IPO8: variants seen among roughly 807,000 people sequenced by gnomAD.
IPO8 encodes the protein importin-8.
IPO8 carries 65 observed loss-of-function variants against 141.2 expected under a neutral mutation model. That is an observed-to-expected ratio of 0.46 (90% confidence interval 0.38 to 0.57). The LOEUF is 0.57. Among genes scored for constraint, IPO8 ranks in the 20% least tolerant of loss-of-function variants. The pLI is 0.00. For synonymous variants in IPO8, 411 were observed against 420.3 expected, an observed-to-expected ratio of 0.98 and a Z score of 0.27; for missense variants, 980 against 1,246.8, an observed-to-expected ratio of 0.79 and a Z score of 3.22.
chr12:30,681,526 G>T, intron 4 of IPO8, 133 bp downstream of exon 4: 2 of 738,764 alleles, frequency 2.7e-6, no homozygotes, highest in Non-Finnish European at 4.3e-6. Flanking sequence ...ACACATTTAA[G>T]CATGTTTAAC....
In IPO8 at chr12:30,653,192, C is replaced by G. The variant is rs573416152; in HGVS notation, c.1949-100G>C. The G allele has an allele frequency of 1.7e-5, 17 of 991,050 alleles. No homozygotes were observed. In the East Asian group the frequency reaches 3.9e-4, roughly 23 times the overall value. The allele number at this position is 991,050 out of a possible 1,614,324, so 61.4% of individuals were successfully genotyped here. ...TTTAGACTACCTACGCACACAGAGT[C>G]CTCCTCTATCCAATGTACTCATAAG... On this transcript the variant is annotated intron_variant, in intron 17 of 24. Coordinates refer to ENST00000256079, the MANE Select transcript of IPO8 (RefSeq NM_006390.4).
intron 10 of IPO8, among the ~76,000 whole-genome samples, chr12:30,668,652 G>A (rs2053003497): frequency 6.6e-6 from 1 of 152,070 alleles, no homozygotes; most frequent in Non-Finnish European, 1.5e-5. Flanking sequence ...GGAATAAAAG[G>A]GAATAAATCA....
chr12:30,647,791 CAATA>C (rs777208693), intron 20 of IPO8, among the ~76,000 whole-genome samples: 18 of 151,866 alleles, frequency 1.2e-4, no homozygotes, highest in Non-Finnish European at 2.6e-4. Flanking sequence ...TCCAACAACT[CAATA>C]AATAGACAAA....
intron 19 of IPO8, among the ~76,000 whole-genome samples, chr12:30,649,740 A>G (rs2052699768): frequency 6.6e-6 from 1 of 152,130 alleles, no homozygotes; most frequent in South Asian, 2.1e-4. Context: ...GTAGGTGAAT[A>G]TAACAAAGTT....
intron 8 of IPO8, among the ~76,000 whole-genome samples, chr12:30,672,763 A>G (rs527432295): frequency 1.3e-5 from 2 of 152,194 alleles, no homozygotes; most frequent in Non-Finnish European, 2.9e-5. Flanking sequence ...TTTTCCCTAT[A>G]GATTGTCTCA....
Position 30,690,590 on chromosome 12 carries a change from A to G in IPO8, c.85-13T>C. On this transcript the variant is annotated splice_polypyrimidine_tract_variant and intron_variant, in intron 1 of 24. Transcript: ENST00000256079. ...TAATCTTGTAGGACTGAAATTACAA[A>G]GAAATGTTTTATAAAATAGGGCAAT... 1 of 1,474,568 alleles carries G rather than the reference A, an allele frequency of 6.8e-7. No homozygotes were observed. The highest frequency in any genetic ancestry group is 9.3e-7 in the Non-Finnish European group (1 of 1,070,186). The allele number at this position is 1,474,568 out of a possible 1,614,324, so 91.3% of individuals were successfully genotyped here.
rs766940732 is a variant in IPO8, at chr12:30,674,685, C to T, written c.798G>A (p.Leu266=). Residue 266 remains leucine (L), a synonymous_variant, in exon 7 of 25, where the codon CTG becomes CTA. Transcript: ENST00000256079. The stretch of plus-strand genomic sequence containing the variant: ...GTTCAAAGAGCCGAGCTACAATATG[C>T]AGTGCCCACTTCTTACACTTCCACC... The part of the protein sequence containing the change: ...LVWWKCKKWA[L]HIVARLFERY... 6.2e-7 allele frequency: 1 copy of T among 1,612,812 alleles called. No homozygotes were observed. Among genetic ancestry groups the T allele is most frequent in the Non-Finnish European group, 8.5e-7 (1 of 1,178,900 alleles).
At position 30,637,052 on chromosome 12, in the gene IPO8, G is replaced by A. The variant is rs773942138; in HGVS notation, c.2625C>T (p.Val875=). The part of the protein sequence containing the change: ...ILFLFLGLKQ[V]CATRQLVNRE... The stretch of plus-strand genomic sequence containing the variant: ...GGTTTACCAGTTGTCTAGTAGCACA[G>A]ACCTGCTTTAGGCCAAGGAAAAGGA... The change falls in exon 22 of 25, where the codon GTC becomes GTT. Residue 875 remains valine, a synonymous_variant. Coordinates refer to ENST00000256079, the MANE Select transcript of IPO8 (RefSeq NM_006390.4). 6.2e-6 allele frequency: 10 copies of A among 1,613,904 alleles called. No homozygotes were observed. Among genetic ancestry groups the A allele is most frequent in the Non-Finnish European group, 8.5e-6 (10 of 1,179,948 alleles).
intron 20 of IPO8, among the ~76,000 whole-genome samples, chr12:30,642,063 G>A (rs949124013): frequency 6.6e-6 from 1 of 152,056 alleles, no homozygotes; most frequent in South Asian, 2.1e-4. Flanking sequence ...GGGCGTGGTG[G>A]CAGTTGCCTG....
chr12:30,675,416 T>C (rs1448241942), intron 6 of IPO8, among the ~76,000 whole-genome samples: 1 of 152,138 alleles, frequency 6.6e-6, no homozygotes, highest in Admixed American at 6.5e-5. Context: ...CCTTCCATGT[T>C]TCTAGTTTAT....
chr12:30,662,183 C>T (rs118139443), intron 15 of IPO8, 144 bp downstream of exon 15: 12,113 of 625,860 alleles, frequency 0.019, 177 homozygotes, highest in Middle Eastern at 0.026. Flanking sequence ...TAGGAGTGCA[C>T]CATCGTATAT....
At chr12:30,654,413 A>G (rs2052770519) in intron 17 of IPO8, among the ~76,000 whole-genome samples, 1 of 152,002 alleles carries the variant, frequency 6.6e-6, no homozygotes, top group Non-Finnish European at 1.5e-5. Flanking sequence ...TGCATAGCAA[A>G]GAAAACAATT....
chr12:30,633,247 T>G (rs1271733471), intron 23 of IPO8, among the ~76,000 whole-genome samples: 1 of 152,206 alleles, frequency 6.6e-6, no homozygotes, highest in Non-Finnish European at 1.5e-5. Flanking sequence ...GCCTTATTAG[T>G]AAAAACATTT....
At position 30,637,038 on chromosome 12, in the gene IPO8, T is replaced by C. The variant is rs1306040245; in HGVS notation, c.2639A>G (p.Gln880Arg). ...LGLKQVCATR[Q>R]LVNREDRSKA... ...TGAACGATCTTCCCGGTTTACCAGT[T>C]GTCTAGTAGCACAGACCTGCTTTAG... The change falls in exon 22 of 25, where the codon CAA (glutamine) becomes CGA (arginine). Residue 880 changes from glutamine to arginine, a missense_variant. Transcript: ENST00000256079. 6.2e-6 allele frequency: 10 copies of C among 1,614,052 alleles called. No individual in the cohort carries two copies. Among genetic ancestry groups the C allele is most frequent in the Admixed American group, 5.0e-5 (3 of 60,006 alleles).
At chr12:30,661,771 C>T (rs2052891416) in intron 15 of IPO8, among the ~76,000 whole-genome samples, 2 of 151,706 alleles carry the variant, frequency 1.3e-5, no homozygotes, top group African/African-American at 4.8e-5. Flanking sequence ...TTGCCCCAAA[C>T]TGAAGGAAAT....
intron 5 of IPO8, among the ~76,000 whole-genome samples, chr12:30,678,941 G>A (rs1565508469): frequency 6.6e-6 from 1 of 152,132 alleles, no homozygotes; most frequent in Non-Finnish European, 1.5e-5. Flanking sequence ...CTGGGTTTGA[G>A]CAATTCTCTC....
chr12:30,635,167 T>G (rs1006500310), intron 22 of IPO8, among the ~76,000 whole-genome samples: 30 of 151,974 alleles, frequency 2.0e-4, no homozygotes, highest in African/African-American at 6.3e-4. Flanking sequence ...CTAGAGGTGG[T>G]GGGAATATGG....
chr12:30,672,874 A>G (rs1256609103), intron 8 of IPO8, among the ~76,000 whole-genome samples: 4 of 152,216 alleles, frequency 2.6e-5, no homozygotes, highest in African/African-American at 4.8e-5. Flanking sequence ...AGGCAAAATG[A>G]TAACACATAA....
At chr12:30,656,098 A>G (rs944528529) in intron 17 of IPO8, among the ~76,000 whole-genome samples, 1 of 152,234 alleles carries the variant, frequency 6.6e-6, no homozygotes, top group African/African-American at 2.4e-5. Context: ...GTGCAGTGGC[A>G]CAATCACAAT....
Sources: allele counts gnomAD v4.1 joint callset (sites outside exome capture counted in the v4.1 genomes callset), GRCh38; gene constraint gnomAD v4.1.1; transcripts MANE v1.5; gene names NCBI Gene and HGNC (gene_info 2026-07-23, HGNC 2026-07-21).